ORC2: variants seen among roughly 807,000 people sequenced by gnomAD.
The protein encoded by ORC2 is origin recognition complex protein 2 homolog.
In ORC2, 37 loss-of-function variants were observed where a neutral mutation model predicts 77.7. The ratio of observed to expected loss-of-function variants is 0.48; its 90% CI spans 0.37 to 0.63. ORC2 has a LOEUF of 0.63. Ranked by LOEUF, ORC2 falls within the 20% of genes least tolerant of loss-of-function variation. ORC2 has a pLI of 0.00. For missense variants in ORC2, 557 were observed against 661.9 expected (o/e 0.84, Z 1.74); for synonymous variants, 201 against 229.5 (o/e 0.88, Z 1.12).
chr2:200,936,158 G>A (rs1480698237), intron 8 of ORC2, among the ~76,000 whole-genome samples: 1 of 152,238 alleles, frequency 6.6e-6, no homozygotes, highest in Non-Finnish European at 1.5e-5. Flanking sequence ...CACAGGAACT[G>A]TGATAGAAAT....
intron 9 of ORC2, among the ~76,000 whole-genome samples, chr2:200,934,458 G>A (rs755101323): frequency 4.0e-5 from 6 of 151,102 alleles, no homozygotes; most frequent in Admixed American, 1.3e-4. Flanking sequence ...GGGACTACAG[G>A]CATGCACCAC....
At chr2:200,916,985 T>C (rs1267007633) in intron 15 of ORC2, among the ~76,000 whole-genome samples, 5 of 138,156 alleles carry the variant, frequency 3.6e-5, no homozygotes, top group Non-Finnish European at 6.1e-5. Context: ...TGAGCCACTG[T>C]GCCCCACCTT....
At position 200,929,046 on chromosome 2, in the gene ORC2, C is replaced by T. The variant is rs561875880; in HGVS notation, c.918-2146G>A. Among the ~76,000 whole-genome samples, 16 of 151,940 alleles carry T rather than the reference C, an allele frequency of 1.1e-4. No homozygotes were observed. The South Asian group carries it at 2.7e-3, about 26-fold the overall frequency. On this transcript the variant is annotated intron_variant, in intron 11 of 17. Transcript: ENST00000234296. ...TGCGATTTTGGCTCACTGCCTCCCG[C>T]GTTCAAGCAATTCTCCTGCCTCACC...
chr2:200,917,842 C>G (rs898348207), intron 15 of ORC2, among the ~76,000 whole-genome samples: 1 of 151,714 alleles, frequency 6.6e-6, no homozygotes, highest in African/African-American at 2.4e-5. Context: ...AAGTTAATCC[C>G]TCCACCACAA....
chr2:200,950,829 C>A (rs2041341290), intron 4 of ORC2, among the ~76,000 whole-genome samples: 1 of 152,094 alleles, frequency 6.6e-6, no homozygotes, highest in South Asian at 2.1e-4. Context: ...TGTATTTCCA[C>A]CAACGCTTGG....
chr2:200,952,811 T>C (rs543866393), intron 4 of ORC2, among the ~76,000 whole-genome samples: 47 of 148,094 alleles, frequency 3.2e-4, no homozygotes, highest in African/African-American at 9.7e-4. Flanking sequence ...AGCTTAAAAA[T>C]TAAAAAAAAA....
intron 1 of ORC2, among the ~76,000 whole-genome samples, chr2:200,962,072 TC>T (rs368308465): frequency 1.8e-3 from 271 of 152,364 alleles, no homozygotes; most frequent in African/African-American, 5.3e-3. Flanking sequence ...CATTTCCTTT[TC>T]TAATTTTGGA....
At chr2:200,915,521 GAAT>G (rs2040632488) in intron 15 of ORC2, among the ~76,000 whole-genome samples, 1 of 152,054 alleles carries the variant, frequency 6.6e-6, no homozygotes, top group Admixed American at 6.5e-5. Flanking sequence ...TTTGTATTTT[GAAT>G]TATTCCATGG....
chr2:200,940,807 C>T (rs2041137897), intron 7 of ORC2, among the ~76,000 whole-genome samples: 1 of 143,558 alleles, frequency 7.0e-6, no homozygotes, highest in South Asian at 2.1e-4. Context: ...GTCTCAAAAA[C>T]AAACAAACAA....
chr2:200,951,141 CTTAT>C (rs780506351), intron 4 of ORC2, among the ~76,000 whole-genome samples: 39 of 152,262 alleles, frequency 2.6e-4, no homozygotes, highest in Non-Finnish European at 2.8e-4. Context: ...TTCAGATTGG[CTTAT>C]TTCACTTAGT....
At position 200,926,825 on chromosome 2, in the gene ORC2, C is replaced by A; in HGVS notation, c.993G>T (p.Leu331=). The change falls in exon 12 of 18, where the codon CTG becomes CTT. Residue 331 remains leucine, a synonymous_variant. Transcript: ENST00000234296. ...TGATGACAACGTGAATGGAATCTTG[C>A]AGCATAGTGGTTCGAAACCTTTCTA... ...DLLERFRTTM[L]QDSIHVVING... 4 of 1,613,800 alleles carry A rather than the reference C, an allele frequency of 2.5e-6. No individual in the cohort carries two copies. The highest frequency in any genetic ancestry group is 3.4e-6 in the Non-Finnish European group (4 of 1,179,722).
At chr2:200,959,699 GT>G (rs2041534186) in intron 1 of ORC2, among the ~76,000 whole-genome samples, 1 of 152,216 alleles carries the variant, frequency 6.6e-6, no homozygotes, top group Non-Finnish European at 1.5e-5. Flanking sequence ...GTGCTAGACA[GT>G]TTTGAGTACT....
Position 200,921,061 on chromosome 2 carries a change from A to G in ORC2, c.1226T>C (p.Ile409Thr). The G allele has an allele frequency of 1.2e-6, 2 of 1,610,242 alleles. No individual in the cohort carries two copies. The highest frequency in any genetic ancestry group is 2.2e-5 in the East Asian group (1 of 44,728). ...MLRGEKSQQIIGQLSSLHNIY... is the reference protein window; with the variant it reads ...MLRGEKSQQITGQLSSLHNIY... ...GTTATGCAAAGATGACAACTGACCAATGATTTGCTGGCTCTTCTCTCCTCT... is the reference window on the plus strand; with the variant it reads ...GTTATGCAAAGATGACAACTGACCAGTGATTTGCTGGCTCTTCTCTCCTCT... The change falls in exon 14 of 18, where the codon ATT becomes ACT. Residue 409 changes from isoleucine to threonine, a missense_variant. Transcript: ENST00000234296.
chr2:200,913,852 C>T, intron 16 of ORC2, 79 bp downstream of exon 16: 1 of 1,496,984 alleles, frequency 6.7e-7, no homozygotes, highest in South Asian at 1.4e-5. Flanking sequence ...AACTGCACTG[C>T]TGTCATTAAA....
chr2:200,953,428 A>T (rs983237551), intron 4 of ORC2, among the ~76,000 whole-genome samples: 34 of 88,714 alleles, frequency 3.8e-4, no homozygotes, highest in African/African-American at 2.5e-3. Context: ...TTTTTTTTTA[A>T]AAAAGGAAAT....
chr2:200,917,347 G>T (rs1468109058), intron 15 of ORC2, among the ~76,000 whole-genome samples: 1 of 151,826 alleles, frequency 6.6e-6, no homozygotes, highest in African/African-American at 2.4e-5. Context: ...GTAGAGATGG[G>T]GTCTACGTTG....
chr2:200,923,440 G>C lies in ORC2; in HGVS notation c.1148-2301C>G, dbSNP rs550802686. ...GTTTTTTGTATTTTTTGTCGAGACA[G>C]GGTTTCACCATGTTGCCCAGGCTGG... On this transcript the variant is annotated intron_variant, in intron 13 of 17. Transcript: ENST00000234296. Among the ~76,000 whole-genome samples, 91 of 152,120 alleles carry C rather than the reference G, an allele frequency of 6.0e-4. No homozygotes were observed. The South Asian group carries it at 0.018, about 30-fold the overall frequency.
chr2:200,935,890 G>A lies in ORC2; in HGVS notation c.517C>T (p.Pro173Ser), dbSNP rs1384562873. 1 of 1,610,212 alleles carries A rather than the reference G, an allele frequency of 6.2e-7. No individual in the cohort carries two copies. Among genetic ancestry groups the A allele is most frequent in the Non-Finnish European group, 8.5e-7 (1 of 1,178,724 alleles). Residue 173 changes from proline (P) to serine (S), a missense_variant and splice_region_variant, in exon 9 of 18, where the codon CCA (proline) becomes TCA (serine). Coordinates refer to ENST00000234296, the MANE Select transcript of ORC2 (RefSeq NM_006190.5). ...CTTTCACTGTCAGAATGAGACCTTG[G>A]AACTGTGGGGGGAAAAATAGCAATT... is the stretch of plus-strand genomic sequence containing the variant. ...PRSLRKRLIV[P>S]RSHSDSESEY...
rs773549106 is a variant in ORC2, at chr2:200,913,411, G to C, written c.1531C>G (p.Leu511Val). 2.5e-6 allele frequency: 4 copies of C among 1,584,220 alleles called. No individual in the cohort carries two copies. The highest frequency in any genetic ancestry group is 3.4e-6 in the Non-Finnish European group (4 of 1,161,196). Reference protein sequence around the residue: ...DNQDNPSYIGLSFQDFYQQCR... With the variant: ...DNQDNPSYIGVSFQDFYQQCR... The stretch of plus-strand genomic sequence containing the variant: ...TGCTGGTAAAAATCTTGAAAAGAAA[G>C]GCCTGGCAAGTTCAAAAGGATATGA... Residue 511 changes from leucine (L) to valine (V), a missense_variant and splice_region_variant, in exon 17 of 18, where the codon CTT becomes GTT. Physicochemically the swap from Leu to Val is conservative, Grantham distance 32. Transcript: ENST00000234296.
Sources: allele counts gnomAD v4.1 joint callset (sites outside exome capture counted in the v4.1 genomes callset), GRCh38; gene constraint gnomAD v4.1.1; transcripts MANE v1.5; gene names NCBI Gene and HGNC (gene_info 2026-07-23, HGNC 2026-07-21).